Variants in ZNF469 observed in about 807,000 individuals in gnomAD.
ZNF469 encodes the protein zinc finger protein 469.
A neutral mutation model predicts 1.0 loss-of-function variants in ZNF469; 1 was observed. That is an observed-to-expected ratio of 1.00 (90% CI 0.35 to 4.73). The LOEUF is 4.73. Ranked by LOEUF, ZNF469 falls within the 30% of genes most tolerant of loss-of-function variation. The probability of loss-of-function intolerance (pLI) is 0.16; values close to 1 mark genes in which losing one functional copy is unlikely to be tolerated. For synonymous variants in ZNF469, 2,703 were observed against 2,363.4 expected, an observed-to-expected ratio of 1.14 and a Z score of -4.17; for missense variants, 6,100 against 5,356.3, an observed-to-expected ratio of 1.14 and a Z score of -4.33.
At chr16:88,229,623 CGT>C in the ZNF469 span, among the ~76,000 whole-genome samples, 1 of 128,366 alleles carries the variant, frequency 7.8e-6, no homozygotes, top group Non-Finnish European at 1.7e-5. Flanking sequence ...TGATGTCACG[CGT>C]GTGGATGTCA....
upstream of ZNF469, among the ~76,000 whole-genome samples, chr16:88,381,997 C>T (rs530320044): frequency 2.0e-5 from 3 of 152,380 alleles, no homozygotes; most frequent in African/African-American, 7.2e-5. Context: ...GCTTGACCTG[C>T]TCCCGGGGGA....
the ZNF469 span, chr16:88,178,392 C>G: frequency 6.6e-6 from 1 of 152,306 alleles, no homozygotes; most frequent in South Asian, 2.1e-4. Flanking sequence ...CTCCGGCGTT[C>G]TGAGAACTGA....
the ZNF469 span, among the ~76,000 whole-genome samples, chr16:88,367,221 T>C: frequency 1.3e-5 from 2 of 152,244 alleles, no homozygotes; most frequent in African/African-American, 2.4e-5. Context: ...GTTTTAACAA[T>C]AGCAACAGCA....
At chr16:88,343,442 T>C in the ZNF469 span, among the ~76,000 whole-genome samples, 1 of 152,224 alleles carries the variant, frequency 6.6e-6, no homozygotes, top group Non-Finnish European at 1.5e-5. Flanking sequence ...ACATGCAGCC[T>C]GCCCATCGTG....
chr16:88,423,372 C>T (rs540292446), intron 1 of ZNF469, among the ~76,000 whole-genome samples: 1 of 151,590 alleles, frequency 6.6e-6, no homozygotes, highest in Non-Finnish European at 1.5e-5. Flanking sequence ...CCAGTGGCTT[C>T]CTGCAGTTCT....
chr16:88,278,927 G>T, the ZNF469 span, among the ~76,000 whole-genome samples: 1 of 150,600 alleles, frequency 6.6e-6, no homozygotes, highest in Admixed American at 6.7e-5. Flanking sequence ...GCTGTGCCAC[G>T]CTGACACTCG....
chr16:88,377,181 C>T, the ZNF469 span, among the ~76,000 whole-genome samples: 2 of 152,244 alleles, frequency 1.3e-5, no homozygotes, highest in African/African-American at 2.4e-5. Context: ...GGCAGGGGCA[C>T]AGACCGTGTG....
At chr16:88,366,410 A>C in the ZNF469 span, among the ~76,000 whole-genome samples, 1 of 134,740 alleles carries the variant, frequency 7.4e-6, no homozygotes, top group Non-Finnish European at 1.6e-5. Flanking sequence ...ACCTTCACCA[A>C]CACCACCATC....
intron 1 of ZNF469, among the ~76,000 whole-genome samples, chr16:88,408,442 G>A (rs1397454068): frequency 7.2e-5 from 11 of 152,352 alleles, no homozygotes; most frequent in Non-Finnish European, 1.2e-4. Flanking sequence ...GTGAGCCACC[G>A]TGCCCAGCCC....
chr16:88,232,637 T>C, the ZNF469 span, among the ~76,000 whole-genome samples: 1 of 152,246 alleles, frequency 6.6e-6, no homozygotes, highest in Non-Finnish European at 1.5e-5. Flanking sequence ...GGGAGCTCTC[T>C]GCCTGAGAGA....
At chr16:88,234,521 G>A in the ZNF469 span, among the ~76,000 whole-genome samples, 3 of 152,208 alleles carry the variant, frequency 2.0e-5, no homozygotes, top group Non-Finnish European at 4.4e-5. Context: ...AGCGCAGACC[G>A]GGGCTGGCTC....
At chr16:88,175,950 T>G in the ZNF469 span, among the ~76,000 whole-genome samples, 1 of 152,250 alleles carries the variant, frequency 6.6e-6, no homozygotes, top group East Asian at 1.9e-4. Context: ...CCTTAATCTG[T>G]ACGATTATCC....
the ZNF469 span, among the ~76,000 whole-genome samples, chr16:88,141,631 G>C: frequency 6.6e-6 from 1 of 152,230 alleles, no homozygotes; most frequent in Non-Finnish European, 1.5e-5. Context: ...CTGTGCAGAT[G>C]GGACTGAGCG....
At chr16:88,197,728 G>GC in the ZNF469 span, among the ~76,000 whole-genome samples, 10 of 152,190 alleles carry the variant, frequency 6.6e-5, no homozygotes, top group Non-Finnish European at 1.3e-4. Flanking sequence ...TCATTCGCAG[G>GC]CCCCCCCAGG....
chr16:88,125,190 G>T, the ZNF469 span, among the ~76,000 whole-genome samples: 1 of 142,794 alleles, frequency 7.0e-6, no homozygotes, highest in Non-Finnish European at 1.6e-5. Flanking sequence ...ATTTATGTGT[G>T]GGTCTATTTC....
chr16:88,425,203 C>G (rs1905646408), intron 2 of ZNF469, among the ~76,000 whole-genome samples: 1 of 152,176 alleles, frequency 6.6e-6, no homozygotes, highest in South Asian at 2.1e-4. Context: ...TCCTCCCCAC[C>G]ATCCAGGACT....
intron 1 of ZNF469, among the ~76,000 whole-genome samples, chr16:88,392,225 T>C (rs988779745): frequency 6.6e-6 from 1 of 152,270 alleles, no homozygotes; most frequent in Non-Finnish European, 1.5e-5. Flanking sequence ...GCTCTGCGCT[T>C]GTACCGTGTC....
chr16:88,399,471 C>T (rs909302958), intron 1 of ZNF469, among the ~76,000 whole-genome samples: 3 of 152,068 alleles, frequency 2.0e-5, no homozygotes, highest in Admixed American at 2.0e-4. Flanking sequence ...CAAGCAGATG[C>T]CCGTGGGCCA....
the ZNF469 span, among the ~76,000 whole-genome samples, chr16:88,218,636 CT>C: frequency 6.7e-6 from 1 of 149,850 alleles, no homozygotes; most frequent in East Asian, 2.0e-4. Flanking sequence ...TAAGAGCTAT[CT>C]ATGACAAACC....
Sources: allele counts gnomAD v4.1 joint callset (sites outside exome capture counted in the v4.1 genomes callset), GRCh38; gene constraint gnomAD v4.1.1; transcripts MANE v1.5; gene names NCBI Gene and HGNC (gene_info 2026-07-23, HGNC 2026-07-21).